PRUNE2: variants seen among roughly 807,000 people sequenced by gnomAD.
PRUNE2 encodes protein prune homolog 2.
A neutral mutation model predicts 252.0 loss-of-function variants in PRUNE2; 164 were observed. The observed-to-expected ratio is 0.65, with a 90% confidence interval of 0.57 to 0.74. The LOEUF is 0.74. Ranked by LOEUF, PRUNE2 falls within the 30% of genes least tolerant of loss-of-function variation. The probability of loss-of-function intolerance (pLI) is 0.00; values close to 1 mark genes in which losing one functional copy is unlikely to be tolerated. For synonymous variants in PRUNE2, 1,292 were observed against 1,350.2 expected (o/e 0.96, Z 0.94); for missense variants, 3,495 against 3,711.0 (o/e 0.94, Z 1.51).
At position 76,644,805 on chromosome 9, in the gene PRUNE2, C is replaced by T; in HGVS notation, c.8662G>A (p.Gly2888Arg). 6.2e-7 allele frequency: 1 copy of T among 1,613,952 alleles called. No homozygotes were observed. The highest frequency in any genetic ancestry group is 2.2e-5 in the East Asian group (1 of 44,868). The change falls in exon 12 of 19, where the codon GGA becomes AGA. Residue 2888 changes from glycine to arginine, a missense_variant. Transcript: ENST00000376718. ...ATGTCAATGCGCTGCTCTTGTTCTC[C>T]AATGACCACTGTCCTCCAAAGCCGG... ...DNRLWRTVVI[G>R]EQEQRIDMKV...
intron 17 of PRUNE2, among the ~76,000 whole-genome samples, chr9:76,620,245 T>C (rs1831623027): frequency 6.6e-6 from 1 of 151,980 alleles, no homozygotes; most frequent in East Asian, 2.0e-4. Context: ...GTTCAAGCGA[T>C]TCTCCTGCCT....
chr9:76,660,649 G>T (rs189264306), intron 9 of PRUNE2, among the ~76,000 whole-genome samples: 16 of 152,090 alleles, frequency 1.1e-4, no homozygotes, highest in Non-Finnish European at 2.2e-4. Flanking sequence ...GGGTGTGGTG[G>T]TGCACACCTG....
At position 76,823,609 on chromosome 9, in the gene PRUNE2, T is replaced by C. The variant is rs149452846; in HGVS notation, c.756+23A>G. On this transcript the variant is annotated intron_variant, in intron 6 of 18. Transcript: ENST00000376718. ...GCAATTGTGGGAAATCAATCAATGC[T>C]AAAAAAGCATTCCCACCCTTACCTC... 48 of 1,407,204 alleles carry C rather than the reference T, an allele frequency of 3.4e-5. No individual in the cohort carries two copies. In the Admixed American group the frequency reaches 7.6e-4, roughly 22 times the overall value. 87.2% of individuals were successfully genotyped at this position (1,407,204 alleles called of 1,614,324 possible). A position where few individuals can be genotyped will look rare whatever the true frequency, so the allele number is the denominator to read the frequency against.
chr9:76,655,151 T>A (rs1479759744), intron 10 of PRUNE2, among the ~76,000 whole-genome samples: 1 of 152,214 alleles, frequency 6.6e-6, no homozygotes, highest in Non-Finnish European at 1.5e-5. Flanking sequence ...CAATATACAG[T>A]AGCCAATTAT....
At chr9:76,832,090 A>G (rs2058703459) in intron 4 of PRUNE2, among the ~76,000 whole-genome samples, 1 of 152,184 alleles carries the variant, frequency 6.6e-6, no homozygotes, top group African/African-American at 2.4e-5. Flanking sequence ...GTATGCACTA[A>G]TAGCATAGCT....
chr9:76,900,042 T>C (rs1483147359), intron 1 of PRUNE2, among the ~76,000 whole-genome samples: 1 of 152,138 alleles, frequency 6.6e-6, no homozygotes. Flanking sequence ...TTGCCAGCCA[T>C]TGTGGTCATC....
Position 76,791,576 on chromosome 9 carries a change from T to G in PRUNE2, c.756+32056A>C, listed in dbSNP as rs959392826. ...ACAATAATACTGCACCAATTATCAT[T>G]GGTACAATAATACTGCACCAATTAT... On this transcript the variant is annotated intron_variant, in intron 6 of 18. Transcript: ENST00000376718. 5.4e-4 allele frequency among the ~76,000 whole-genome samples: 77 copies of G among 141,866 alleles called. 1 individual carries two copies. The South Asian group carries it at 8.1e-3, about 15-fold the overall frequency. The allele number at this position is 141,866 out of a possible 152,430, so 93.1% of individuals were successfully genotyped here. A position where few individuals can be genotyped will look rare whatever the true frequency, so the allele number is the denominator to read the frequency against.
intron 9 of PRUNE2, among the ~76,000 whole-genome samples, chr9:76,683,026 C>T (rs2043640616): frequency 6.6e-6 from 1 of 152,184 alleles, no homozygotes; most frequent in Admixed American, 6.5e-5. Context: ...AGTGTCCTCC[C>T]CAGACTCTTT....
At chr9:76,616,549 C>T (rs1431494206) in intron 18 of PRUNE2, among the ~76,000 whole-genome samples, 1 of 152,202 alleles carries the variant, frequency 6.6e-6, no homozygotes, top group Non-Finnish European at 1.5e-5. Flanking sequence ...TGAGCTAACA[C>T]TTACACCAGG....
rs1196800737 is a variant in PRUNE2 at position 76,658,251 on chromosome 9, G to A, written c.8277-2749C>T. 7.2e-5 allele frequency among the ~76,000 whole-genome samples: 11 copies of A among 152,260 alleles called. No homozygotes were observed. The East Asian group carries it at 7.7e-4, about 11-fold the overall frequency. On this transcript the variant is annotated intron_variant, in intron 9 of 18. Coordinates refer to ENST00000376718, the MANE Select transcript of PRUNE2 (RefSeq NM_015225.3). ...CGCATGCCTGTAATCCCAGCTACTC[G>A]GGAGGCTGAGGCAGGAGAATTGCTT...
At chr9:76,868,841 G>GC (rs1188477612) in intron 1 of PRUNE2, 2 of 100,144 alleles carry the variant, frequency 2.0e-5, no homozygotes, top group Non-Finnish European at 3.6e-5. Flanking sequence ...GGGGGGTGGG[G>GC]GGGGGGGCGG....
At chr9:76,805,277 T>C (rs1235096147) in intron 6 of PRUNE2, among the ~76,000 whole-genome samples, 1 of 152,026 alleles carries the variant, frequency 6.6e-6, no homozygotes, top group Non-Finnish European at 1.5e-5. Context: ...CTACCACGAG[T>C]CAGCTCAGGC....
At chr9:76,673,072 A>T (rs984455221) in intron 9 of PRUNE2, among the ~76,000 whole-genome samples, 2 of 152,066 alleles carry the variant, frequency 1.3e-5, no homozygotes, top group African/African-American at 4.8e-5. Context: ...ACTGAAGGAA[A>T]TAGAGATACA....
chr9:76,625,094 G>C, intron 16 of PRUNE2: 5 of 1,272,666 alleles, frequency 3.9e-6, no homozygotes, highest in Non-Finnish European at 5.2e-6. Flanking sequence ...TAAGGAAAAT[G>C]AGCAAACAGA....
chr9:76,619,703 G>A (rs1388887844), intron 17 of PRUNE2, among the ~76,000 whole-genome samples: 2 of 152,032 alleles, frequency 1.3e-5, no homozygotes, highest in African/African-American at 2.4e-5. Context: ...AATTGTTTTG[G>A]TACCCCAAAT....
chr9:76,824,242 G>A (rs954905817), intron 5 of PRUNE2, among the ~76,000 whole-genome samples: 6 of 152,130 alleles, frequency 3.9e-5, no homozygotes, highest in Non-Finnish European at 7.4e-5. Context: ...AATACTTAGG[G>A]GTCCACCTCT....
chr9:76,830,903 T>C (rs954810859), intron 4 of PRUNE2, among the ~76,000 whole-genome samples: 2 of 151,566 alleles, frequency 1.3e-5, no homozygotes, highest in African/African-American at 4.9e-5. Flanking sequence ...CAATTGCCCA[T>C]CTAGAATTCC....
At chr9:76,653,811 CCATAA>C (rs1848294337) in intron 10 of PRUNE2, among the ~76,000 whole-genome samples, 1 of 152,130 alleles carries the variant, frequency 6.6e-6, no homozygotes, top group Non-Finnish European at 1.5e-5. Flanking sequence ...ACATTGGTTC[CCATAA>C]CATAAGTGAC....
rs771913083 is a variant in PRUNE2, at chr9:76,823,651, G to A, written c.737C>T (p.Thr246Ile). The A allele has an allele frequency of 3.2e-5, 51 of 1,606,786 alleles. No individual in the cohort carries two copies. The South Asian group carries it at 4.9e-4, about 16-fold the overall frequency. The change falls in exon 6 of 19, where the codon ACT (threonine) becomes ATT (isoleucine). Residue 246 changes from threonine to isoleucine, a missense_variant. Transcript: ENST00000376718. ...CCTTACCTCAAGGTTCATGCTCACA[G>A]TACTAATGGCCACTTTTATTTCTCC... The part of the protein sequence containing the change: ...SDGEIKVAIS[T>I]VSMNLENCLF...
Sources: allele counts gnomAD v4.1 joint callset (sites outside exome capture counted in the v4.1 genomes callset), GRCh38; gene constraint gnomAD v4.1.1; transcripts MANE v1.5; gene names NCBI Gene and HGNC (gene_info 2026-07-23, HGNC 2026-07-21).